The following ARHGEF12 variants were observed in gnomAD, a reference collection of about 807,000 sequenced individuals.
The protein encoded by ARHGEF12 is Rho guanine nucleotide exchange factor 12, also known as KMT2A/ARHGEF12 fusion protein.
In ARHGEF12, 66 loss-of-function variants were observed where a neutral mutation model predicts 211.2. The observed-to-expected ratio is 0.31, with a 90% CI of 0.26 to 0.38. ARHGEF12 has a LOEUF of 0.38. Ranked by LOEUF, ARHGEF12 falls within the 10% of genes least tolerant of loss-of-function variation. ARHGEF12 has a pLI of 1.00. For synonymous variants in ARHGEF12, 592 were observed against 638.4 expected (o/e 0.93, Z 1.09); for missense variants, 1,429 against 1,869.5 (o/e 0.76, Z 4.34).
chr11:120,445,603 T>A, intron 16 of ARHGEF12, 139 bp downstream of exon 16: 1 of 942,526 alleles, frequency 1.1e-6, no homozygotes, highest in Non-Finnish European at 1.7e-6. Flanking sequence ...ATAATACATT[T>A]AAAGAGTAAA....
At position 120,485,509 on chromosome 11, in the gene ARHGEF12, T is replaced by A. The variant is rs1213762778; in HGVS notation, c.*432T>A. ...GAGTAGTGAGAGTTTTAGACCTTTG[T>A]CTTTAGTACACCCAAGGATCAACTG... On this transcript the variant is annotated 3_prime_UTR_variant, in exon 41 of 41. Transcript: ENST00000397843. 4.1e-6 allele frequency: 1 copy of A among 242,214 alleles called. No individual in the cohort carries two copies. Among genetic ancestry groups the A allele is most frequent in the East Asian group, 5.8e-5 (1 of 17,114 alleles). 15.0% of individuals were successfully genotyped at this position (242,214 alleles called of 1,614,324 possible).
At chr11:120,339,753 G>T (rs895333938) in intron 1 of ARHGEF12, among the ~76,000 whole-genome samples, 2 of 152,148 alleles carry the variant, frequency 1.3e-5, no homozygotes, top group African/African-American at 4.8e-5. Context: ...CAAGATAAGG[G>T]TTTTATTCTT....
chr11:120,471,914 G>A (rs1182706862), intron 30 of ARHGEF12, among the ~76,000 whole-genome samples: 1 of 152,098 alleles, frequency 6.6e-6, no homozygotes, highest in East Asian at 1.9e-4. Context: ...ATCCTACATG[G>A]ATGTACAAAG....
At chr11:120,404,643 G>A (rs1052059045) in intron 1 of ARHGEF12, among the ~76,000 whole-genome samples, 1 of 152,068 alleles carries the variant, frequency 6.6e-6, no homozygotes, top group East Asian at 1.9e-4. Context: ...GGGAACTTCC[G>A]GGATTCTTTA....
intron 1 of ARHGEF12, among the ~76,000 whole-genome samples, chr11:120,348,058 T>C (rs1388875011): frequency 6.6e-6 from 1 of 152,212 alleles, no homozygotes; most frequent in Non-Finnish European, 1.5e-5. Context: ...TCTTTATAGA[T>C]ATCCAGTTAG....
chr11:120,445,043 A>G (rs1029320719), intron 15 of ARHGEF12, among the ~76,000 whole-genome samples: 2 of 152,222 alleles, frequency 1.3e-5, no homozygotes, highest in Non-Finnish European at 2.9e-5. Flanking sequence ...TACATTTTTC[A>G]TATGATAATA....
chr11:120,424,057 G>A (rs962839943), intron 6 of ARHGEF12, among the ~76,000 whole-genome samples: 2 of 151,988 alleles, frequency 1.3e-5, no homozygotes, highest in Non-Finnish European at 2.9e-5. Context: ...ATTTGTATGA[G>A]CCCTTCACCG....
intron 39 of ARHGEF12, among the ~76,000 whole-genome samples, chr11:120,482,918 C>T (rs1947291734): frequency 1.3e-5 from 2 of 151,882 alleles, no homozygotes; most frequent in Admixed American, 6.6e-5. Flanking sequence ...TTGATTTTTC[C>T]CTCTTCATGT....
chr11:120,381,948 G>C (rs531396454), intron 1 of ARHGEF12, among the ~76,000 whole-genome samples: 6 of 152,302 alleles, frequency 3.9e-5, no homozygotes, highest in Non-Finnish European at 7.4e-5. Context: ...AAAATCCAAA[G>C]ATTGTATCGG....
chr11:120,436,611 A>G (rs1375687644), intron 11 of ARHGEF12, among the ~76,000 whole-genome samples: 1 of 152,182 alleles, frequency 6.6e-6, no homozygotes, highest in Non-Finnish European at 1.5e-5. Flanking sequence ...ATAGAAATGC[A>G]TCTGTACTGA....
chr11:120,467,898 G>A (rs748583440), intron 29 of ARHGEF12, among the ~76,000 whole-genome samples: 10 of 152,116 alleles, frequency 6.6e-5, no homozygotes, highest in South Asian at 2.1e-4. Context: ...AGCCGTGCTC[G>A]TCTGTTTATG....
intron 1 of ARHGEF12, among the ~76,000 whole-genome samples, chr11:120,351,072 G>A (rs1211128530): frequency 6.6e-6 from 1 of 151,984 alleles, no homozygotes. Context: ...GAAATTGGCC[G>A]GGTGCGGTGA....
At position 120,486,819 on chromosome 11, in the gene ARHGEF12, AATTG is replaced by A. The variant is rs1947408678; in HGVS notation, c.*1745_*1748del. The A allele has an allele frequency of 4.6e-6, 1 of 216,748 alleles. No individual in the cohort carries two copies. Among genetic ancestry groups the A allele is most frequent in the East Asian group, 6.8e-5 (1 of 14,600 alleles). 13.4% of individuals were successfully genotyped at this position (216,748 alleles called of 1,614,324 possible). A position where few individuals can be genotyped will look rare whatever the true frequency, so the allele number is the denominator to read the frequency against. On this transcript the variant is annotated 3_prime_UTR_variant, in exon 41 of 41. Coordinates refer to ENST00000397843, the MANE Select transcript of ARHGEF12 (RefSeq NM_015313.3). ...TGTCCAGATTTCTGTTTCTGTCCTA[AATTG>A]ATCTGTGTTTTTAGGTGGATCAACT...
chr11:120,447,334 G>T, intron 18 of ARHGEF12: 1 of 374,094 alleles, frequency 2.7e-6, no homozygotes, highest in East Asian at 4.4e-5. Context: ...ATCAAAAACA[G>T]GTTGATTACT....
chr11:120,373,016 A>G (rs1022153025), intron 1 of ARHGEF12, among the ~76,000 whole-genome samples: 2 of 122,690 alleles, frequency 1.6e-5, no homozygotes, highest in African/African-American at 6.7e-5. Context: ...ATCTAAACTG[A>G]AACAAGATTT....
rs1947478783 is a variant in ARHGEF12 at position 120,489,378 on chromosome 11, A to G, written c.*4301A>G. 2 of 224,340 alleles carry G rather than the reference A, an allele frequency of 8.9e-6. No individual in the cohort carries two copies. Among genetic ancestry groups the G allele is most frequent in the South Asian group, 1.8e-4 (1 of 5,454 alleles). The allele number at this position is 224,340 out of a possible 1,614,324, so 13.9% of individuals were successfully genotyped here. The stretch of plus-strand genomic sequence containing the variant: ...ATATATAACAAAATTTGCTATTGTA[A>G]CTATTTTTAAGTATAAAGTTCAGTG... On this transcript the variant is annotated 3_prime_UTR_variant, in exon 41 of 41. Coordinates refer to ENST00000397843, the MANE Select transcript of ARHGEF12 (RefSeq NM_015313.3).
chr11:120,435,880 A>G (rs1185941101), intron 11 of ARHGEF12, among the ~76,000 whole-genome samples: 1 of 152,140 alleles, frequency 6.6e-6, no homozygotes, highest in Non-Finnish European at 1.5e-5. Flanking sequence ...CCATTGTTTA[A>G]TTCAGAGTTT....
chr11:120,481,123 C>A, intron 38 of ARHGEF12, 137 bp from the exon 39 acceptor site: 1 of 774,136 alleles, frequency 1.3e-6, no homozygotes, highest in Non-Finnish European at 2.0e-6. Context: ...TTCTGATGTA[C>A]CTGAAACTAA....
At chr11:120,413,787 T>G (rs1213093970) in intron 4 of ARHGEF12, among the ~76,000 whole-genome samples, 1 of 152,202 alleles carries the variant, frequency 6.6e-6, no homozygotes, top group East Asian at 1.9e-4. Context: ...TGAAGCTGAT[T>G]CTTAAGAGCT....
Sources: gnomAD v4.1 joint callset for allele counts (sites outside exome capture counted in the v4.1 genomes callset) on GRCh38, gnomAD v4.1.1 for gene constraint, MANE v1.5 for transcripts, NCBI Gene and HGNC (gene_info 2026-07-23, HGNC 2026-07-21) for gene names.